SLC43A1: variants seen among roughly 807,000 people sequenced by gnomAD.
SLC43A1 encodes the protein large neutral amino acids transporter small subunit 3.
Under a neutral mutation model 59.5 loss-of-function variants are expected in SLC43A1, and 31 were observed. The ratio of observed to expected loss-of-function variants is 0.52; its 90% CI spans 0.39 to 0.70. The LOEUF is 0.70. SLC43A1 is among the 30% of genes least tolerant of loss of function. The probability of loss-of-function intolerance (pLI) is 0.00; values close to 1 mark genes in which losing one functional copy is unlikely to be tolerated. For missense variants in SLC43A1, 598 were observed against 717.8 expected, an observed-to-expected ratio of 0.83 and a Z score of 1.91; for synonymous variants, 259 against 290.9, an observed-to-expected ratio of 0.89 and a Z score of 1.12.
Position 57,514,028 on chromosome 11 carries a change from A to C in SLC43A1, c.84T>G (p.Ala28=), listed in dbSNP as rs987851401. The C allele has an allele frequency of 6.2e-7, 1 of 1,608,676 alleles. No homozygotes were observed. The highest frequency in any genetic ancestry group is 1.7e-5 in the Admixed American group (1 of 59,332). The change falls in exon 2 of 15, where the codon GCT becomes GCG. Residue 28 remains alanine (A), a synonymous_variant. Transcript: ENST00000278426. This position sits in a 1 kb window ranked among gnomAD's most constrained non-coding sequence, Gnocchi z 5.5. The stretch of plus-strand genomic sequence containing the variant: ...ACAGGGAGCCCCAGCCCAGGAGTAC[A>C]GCAGAGAAGAAGAGGTTCTCCAGCA... ...TAVLENLFFS[A]VLLGWGSLLI... is the part of the protein sequence containing the mutation.
chr11:57,497,706 C>G, intron 6 of SLC43A1, 47 bp downstream of exon 6: 1 of 1,490,464 alleles, frequency 6.7e-7, no homozygotes, highest in Non-Finnish European at 9.3e-7. Context: ...CTCGGCCCCA[C>G]CCGGTTCTTG....
chr11:57,489,468 C>A (rs1321686741), intron 11 of SLC43A1, 76 bp from the exon 12 acceptor site: 5 of 1,544,440 alleles, frequency 3.2e-6, no homozygotes, highest in African/African-American at 1.4e-5. Context: ...GGCCCCTCCC[C>A]CTTCAGATGT....
intron 14 of SLC43A1, among the ~76,000 whole-genome samples, chr11:57,486,498 CA>C (rs757132282): frequency 3.1e-3 from 348 of 114,010 alleles, no homozygotes; most frequent in African/African-American, 3.9e-3. Context: ...ACCTTCTCTA[CA>C]AAAAAAAAAA....
In SLC43A1 at chr11:57,500,875, A is replaced by C. The variant is rs1471103688; in HGVS notation, c.389-20T>G. ...ACAGAGCTGGAAAGGGGAAAGCAGCAGATGAGGGCATTTGGGGAGCTGTGG... is the reference window on the plus strand; with the variant it reads ...ACAGAGCTGGAAAGGGGAAAGCAGCCGATGAGGGCATTTGGGGAGCTGTGG... On this transcript the variant is annotated intron_variant, in intron 4 of 14. Coordinates refer to ENST00000278426, the MANE Select transcript of SLC43A1 (RefSeq NM_003627.6). The C allele has an allele frequency of 6.2e-7, 1 of 1,613,798 alleles. No individual in the cohort carries two copies. The highest frequency in any genetic ancestry group is 2.2e-5 in the East Asian group (1 of 44,874).
chr11:57,507,937 T>C (rs948135089), intron 2 of SLC43A1, among the ~76,000 whole-genome samples: 3 of 152,202 alleles, frequency 2.0e-5, no homozygotes, highest in African/African-American at 7.2e-5. Context: ...TATGGATTAC[T>C]AGTCCCATTT....
chr11:57,512,525 C>G (rs1195516703), intron 2 of SLC43A1, among the ~76,000 whole-genome samples: 1 of 148,330 alleles, frequency 6.7e-6, no homozygotes, highest in African/African-American at 2.5e-5. Context: ...GCCTGGGTGA[C>G]AGAGTGAGAC....
intron 7 of SLC43A1, 71 bp downstream of exon 7, chr11:57,495,955 AAAGTT>A: frequency 6.5e-7 from 1 of 1,531,202 alleles, no homozygotes; most frequent in Non-Finnish European, 8.8e-7. Context: ...CTCTGAATCC[AAAGTT>A]AATTCCGTCT....
chr11:57,498,599 G>A (rs1015401376), intron 5 of SLC43A1, among the ~76,000 whole-genome samples: 2 of 152,098 alleles, frequency 1.3e-5, no homozygotes, highest in Admixed American at 6.6e-5. Context: ...CCTAACCCAA[G>A]GCTGTGACCA....
At chr11:57,510,457 CAAAAAAAAAAAAA>C (rs61412196) in intron 2 of SLC43A1, among the ~76,000 whole-genome samples, 6 of 25,762 alleles carry the variant, frequency 2.3e-4, no homozygotes, top group African/African-American at 7.8e-4. Context: ...GACTCCATCT[CAAAAAAAAAAAAA>C]AAAAAAAAAA....
chr11:57,485,228 G>A lies in SLC43A1; in HGVS notation c.1548C>T (p.Leu516=), dbSNP rs1943698343. 4.3e-6 allele frequency: 7 copies of A among 1,613,208 alleles called. No homozygotes were observed. The highest frequency in any genetic ancestry group is 5.9e-6 in the Non-Finnish European group (7 of 1,179,556). Residue 516 remains leucine (L), a synonymous_variant, in exon 15 of 15, where the codon CTC becomes CTT. Coordinates refer to ENST00000278426, the MANE Select transcript of SLC43A1 (RefSeq NM_003627.6). ...KGEPFWVNLG[L]LLFSLLGFLL... Reference sequence around the variant, plus strand: ...GGAATCCCAGGAGTGAGAATAGCAGGAGGCCCAGATTCACCTTTAGGGCAA... The same window carrying A: ...GGAATCCCAGGAGTGAGAATAGCAGAAGGCCCAGATTCACCTTTAGGGCAA...
At chr11:57,488,839 G>T in intron 13 of SLC43A1, 77 bp downstream of exon 13, 1 of 1,242,532 alleles carries the variant, frequency 8.0e-7, no homozygotes, top group Non-Finnish European at 1.2e-6. Context: ...GATGCCTGGG[G>T]CCCTCCCAAC....
At chr11:57,511,084 C>A (rs1293963235) in intron 2 of SLC43A1, among the ~76,000 whole-genome samples, 1 of 152,114 alleles carries the variant, frequency 6.6e-6, no homozygotes, top group Non-Finnish European at 1.5e-5. Flanking sequence ...ACCCTTGCAA[C>A]TGACCAGCAA....
chr11:57,502,804 G>A (rs1590770040), intron 2 of SLC43A1, among the ~76,000 whole-genome samples: 1 of 151,428 alleles, frequency 6.6e-6, no homozygotes, highest in African/African-American at 2.4e-5. Context: ...AGCCCGGGCG[G>A]TCGAGGCTGC....
chr11:57,500,743 G>C (rs747020334), intron 5 of SLC43A1, 36 bp downstream of exon 5: 3 of 1,602,774 alleles, frequency 1.9e-6, no homozygotes, highest in Non-Finnish European at 2.6e-6. Context: ...CCCACTCGGG[G>C]GAACTCTGCT....
At chr11:57,492,521 T>C (rs1442517469) in intron 8 of SLC43A1, among the ~76,000 whole-genome samples, 1 of 118,462 alleles carries the variant, frequency 8.4e-6, no homozygotes, top group Non-Finnish European at 1.6e-5. Flanking sequence ...AATAATATAA[T>C]ATATATAATT....
At position 57,500,759 on chromosome 11, in the gene SLC43A1, G is replaced by A. The variant is rs371523710; in HGVS notation, c.465+20C>T. On this transcript the variant is annotated intron_variant, in intron 5 of 14. Coordinates refer to ENST00000278426, the MANE Select transcript of SLC43A1 (RefSeq NM_003627.6). ...CCACTCGGGGGAACTCTGCTGCCAGGCCAGGCCTGTGACACTCACCGTGAG... is the reference window on the plus strand; with the variant it reads ...CCACTCGGGGGAACTCTGCTGCCAGACCAGGCCTGTGACACTCACCGTGAG... 1.9e-6 allele frequency: 3 copies of A among 1,612,620 alleles called. No homozygotes were observed. The highest frequency in any genetic ancestry group is 1.7e-4 in the Middle Eastern group (1 of 6,034).
rs1009335840 is a variant in SLC43A1, at chr11:57,514,314, A to G, written c.-13-190T>C. The stretch of plus-strand genomic sequence containing the variant: ...CGCGCACTAGCAGTGCCAGAGGTGC[A>G]CGCGGCACGGGGCTCCCGCTGAGCC... On this transcript the variant is annotated intron_variant, in intron 1 of 14. Transcript: ENST00000278426. The surrounding 1 kb of genome is among the most constrained non-coding windows in gnomAD (Gnocchi z 5.5). 17 of 611,382 alleles carry G rather than the reference A, an allele frequency of 2.8e-5. No homozygotes were observed. The African/African-American group carries it at 3.0e-4, about 11-fold the overall frequency. The allele number at this position is 611,382 out of a possible 1,614,324, so 37.9% of individuals were successfully genotyped here.
intron 8 of SLC43A1, among the ~76,000 whole-genome samples, chr11:57,492,289 T>A (rs1053485334): frequency 1.4e-4 from 20 of 141,688 alleles, no homozygotes; most frequent in Non-Finnish European, 1.7e-4. Context: ...TATATAAAAA[T>A]ATATATATAT....
chr11:57,506,879 G>A (rs549998159), intron 2 of SLC43A1, among the ~76,000 whole-genome samples: 3 of 152,270 alleles, frequency 2.0e-5, no homozygotes, highest in South Asian at 4.1e-4. Flanking sequence ...TGTTTTATTT[G>A]GGCACTTATG....
Sources: allele counts gnomAD v4.1 joint callset (sites outside exome capture counted in the v4.1 genomes callset), GRCh38; gene constraint gnomAD v4.1.1; non-coding constraint Gnocchi (gnomAD v3.1); transcripts MANE v1.5; gene names NCBI Gene and HGNC (gene_info 2026-07-23, HGNC 2026-07-21).